ENG: variants seen among roughly 807,000 people sequenced by gnomAD.
ENG encodes the protein CD105 antigen.
ENG carries 17 observed loss-of-function variants against 71.0 expected under a neutral mutation model. That is an observed-to-expected ratio of 0.24 (90% CI 0.16 to 0.36). ENG has a LOEUF of 0.36. ENG is among the 10% of genes least tolerant of loss of function. ENG has a pLI of 1.00. For missense variants in ENG, 749 were observed against 868.3 expected, an observed-to-expected ratio of 0.86 and a Z score of 1.73; for synonymous variants, 360 against 366.9, an observed-to-expected ratio of 0.98 and a Z score of 0.21.
intron 1 of ENG, among the ~76,000 whole-genome samples, chr9:127,849,524 G>A (rs552820698): frequency 3.9e-5 from 6 of 152,244 alleles, no homozygotes; most frequent in East Asian, 1.9e-4. Context: ...GGGGAAGAGC[G>A]GGGGTGGATA....
Position 127,825,133 on chromosome 9 carries a change from C to T in ENG, c.816+98G>A, listed in dbSNP as rs1830575407. On this transcript the variant is annotated intron_variant, in intron 6 of 14. Coordinates refer to ENST00000373203, the MANE Select transcript of ENG (RefSeq NM_001114753.3). ...TCACGTATGGGCATAGGTGATTTGTCCTTCAGCTCAGCTCGGGGGTTCACC... is the reference window on the plus strand; with the variant it reads ...TCACGTATGGGCATAGGTGATTTGTTCTTCAGCTCAGCTCGGGGGTTCACC... 2.5e-6 allele frequency: 4 copies of T among 1,608,732 alleles called. No homozygotes were observed. In the South Asian group the frequency reaches 3.3e-5, roughly 13 times the overall value.
intron 2 of ENG, among the ~76,000 whole-genome samples, chr9:127,841,812 C>T (rs1831037792): frequency 6.6e-6 from 1 of 152,192 alleles, no homozygotes; most frequent in Non-Finnish European, 1.5e-5. Flanking sequence ...ACGTGGGGAA[C>T]CAAGTGGCAG....
chr9:127,825,123 G>A, intron 6 of ENG, 108 bp downstream of exon 6: 2 of 1,601,702 alleles, frequency 1.2e-6, no homozygotes, highest in Non-Finnish European at 1.7e-6. Flanking sequence ...TATGGGCATA[G>A]GTGATTTGTC....
intron 8 of ENG, among the ~76,000 whole-genome samples, chr9:127,820,796 T>C (rs1045229680): frequency 2.6e-5 from 4 of 151,074 alleles, no homozygotes; most frequent in African/African-American, 9.7e-5. Context: ...ACCATTGCAC[T>C]CCAGCCTGGG....
intron 1 of ENG, chr9:127,847,302 T>A (rs1831191066): frequency 6.6e-6 from 1 of 152,256 alleles, no homozygotes; most frequent in African/African-American, 2.4e-5. Context: ...ACCCAGACAG[T>A]CTGGCTCCAG....
rs531511225 is a variant in ENG, at chr9:127,852,999, A to T, written c.67+1290T>A. Among the ~76,000 whole-genome samples, 8 of 152,144 alleles carry T rather than the reference A, an allele frequency of 5.3e-5. No homozygotes were observed. In the East Asian group the frequency reaches 1.5e-3, roughly 29 times the overall value. On this transcript the variant is annotated intron_variant, in intron 1 of 14. Coordinates refer to ENST00000373203, the MANE Select transcript of ENG (RefSeq NM_001114753.3). Reference sequence around the variant, plus strand: ...TAGGGGCTCCGTCTTAGCCATGTGAACTTGGCAGGTTAGAGCCTCCCTTTT... The same window carrying T: ...TAGGGGCTCCGTCTTAGCCATGTGATCTTGGCAGGTTAGAGCCTCCCTTTT...
At chr9:127,826,372 T>C in intron 4 of ENG, 138 bp downstream of exon 4, 1 of 1,116,442 alleles carries the variant, frequency 9.0e-7, no homozygotes, top group East Asian at 2.6e-5. Context: ...AAGGCAGCAC[T>C]GGCTTGTGGC....
intron 12 of ENG, 79 bp from the exon 13 acceptor site, chr9:127,817,282 G>T: frequency 6.9e-7 from 1 of 1,448,306 alleles, no homozygotes; most frequent in Non-Finnish European, 9.7e-7. Flanking sequence ...CGTGACCCCA[G>T]CCCACCCTAG....
At position 127,843,398 on chromosome 9, in the gene ENG, C is replaced by G. The variant is rs41400844; in HGVS notation, c.68-153G>C. Reference sequence around the variant, plus strand: ...TGAGGTGGATATCATTATATTCGTTCCATGGATTAAAAAAAACCAAGGCTA... The same window carrying G: ...TGAGGTGGATATCATTATATTCGTTGCATGGATTAAAAAAAACCAAGGCTA... On this transcript the variant is annotated intron_variant, in intron 1 of 14. Transcript: ENST00000373203. 2.2e-3 allele frequency among the ~76,000 whole-genome samples: 333 copies of G among 151,976 alleles called. 1 individual carries two copies. Among genetic ancestry groups the G allele is most frequent in the Admixed American group, 4.5e-3 (68 of 15,244 alleles).
chr9:127,824,522 T>C, intron 7 of ENG, 76 bp from the exon 8 acceptor site: 1 of 1,466,426 alleles, frequency 6.8e-7, no homozygotes, highest in East Asian at 2.5e-5. Context: ...CTTTTTTTTT[T>C]TTTTTTTTTT....
chr9:127,823,673 C>CTTT lies in ENG; in HGVS notation c.1134+628_1134+630dup, dbSNP rs1017053002. Among the ~76,000 whole-genome samples the CTTT allele has an allele frequency of 2.9e-3, 286 of 99,020 alleles. 20 individuals carry two copies. Among genetic ancestry groups the CTTT allele is most frequent in the African/African-American group, 8.4e-3 (174 of 20,694 alleles). 65.0% of individuals were successfully genotyped at this position (99,020 alleles called of 152,430 possible). On this transcript the variant is annotated intron_variant, in intron 8 of 14. Transcript: ENST00000373203. ...AAAGTGCTGGGATTACAGGCACCGGCTTTTTTTTTTTTTTTTTTTTTTTTC... is the reference window on the plus strand; with the variant it reads ...AAAGTGCTGGGATTACAGGCACCGGCTTTTTTTTTTTTTTTTTTTTTTTTTTTC...
chr9:127,847,054 C>G, intron 1 of ENG: 1 of 573,442 alleles, frequency 1.7e-6, no homozygotes, highest in African/African-American at 2.0e-5. Flanking sequence ...CTCTCTGAGC[C>G]TCAGTTTCCC....
Position 127,849,052 on chromosome 9 carries a change from G to A in ENG, c.67+5237C>T, listed in dbSNP as rs530080609. Among the ~76,000 whole-genome samples, 153 of 152,128 alleles carry A rather than the reference G, an allele frequency of 1.0e-3. 1 individual carries two copies. The South Asian group carries it at 0.011, about 11-fold the overall frequency. ...TGACCTCACAAACCCCTGGTCACCT[G>A]CTTTGACCTAAGTCACCTTTAGTTA... On this transcript the variant is annotated intron_variant, in intron 1 of 14. Transcript: ENST00000373203.
rs375171647 is a variant in ENG, at chr9:127,818,817, G to C, written c.1327C>G (p.Leu443Val). 6.2e-7 allele frequency: 1 copy of C among 1,613,984 alleles called. No homozygotes were observed. Among genetic ancestry groups the C allele is most frequent in the Non-Finnish European group, 8.5e-7 (1 of 1,180,008 alleles). ...TGGAAAGAGAGGCTGTCCATGTTGA[G>C]GCAGTGCACCTTTTTCTGGGGGAGG... ...SSPQRKKVHC[L>V]NMDSLSFQLG... The change falls in exon 11 of 15, where the codon CTC becomes GTC. Residue 443 changes from leucine to valine, a missense_variant. Leu to Val is a conservative substitution (Grantham distance 32). Coordinates refer to ENST00000373203, the MANE Select transcript of ENG (RefSeq NM_001114753.3).
chr9:127,827,255 CA>C (rs1830641269), intron 3 of ENG: 1 of 154,950 alleles, frequency 6.5e-6, no homozygotes, highest in South Asian at 2.0e-4. Context: ...GAATTAAAGA[CA>C]GATATCAGTG....
chr9:127,830,643 G>A (rs1260500271), intron 2 of ENG, among the ~76,000 whole-genome samples: 15 of 149,688 alleles, frequency 1.0e-4, no homozygotes, highest in Non-Finnish European at 1.8e-4. Context: ...ATGACGCTCC[G>A]TCTCAAAAAA....
chr9:127,844,954 C>G (rs1239855922), intron 1 of ENG, among the ~76,000 whole-genome samples: 2 of 152,130 alleles, frequency 1.3e-5, no homozygotes, highest in Non-Finnish European at 2.9e-5. Flanking sequence ...CAGAGCAGAC[C>G]GCAGAGCCCG....
Position 127,818,661 on chromosome 9 carries a change from G to A in ENG, c.1428+55C>T, listed in dbSNP as rs185549924. On this transcript the variant is annotated intron_variant, in intron 11 of 14. Coordinates refer to ENST00000373203, the MANE Select transcript of ENG (RefSeq NM_001114753.3). ...CTGGAGTCATGGTGGGAAGAAAGGC[G>A]GAGAGGAAGTTCCAGGAGCTGGGAG... 106 of 1,570,640 alleles carry A rather than the reference G, an allele frequency of 6.7e-5. No individual in the cohort carries two copies. In the East Asian group the frequency reaches 1.5e-3, roughly 22 times the overall value.
intron 8 of ENG, among the ~76,000 whole-genome samples, chr9:127,822,836 G>A (rs1830498866): frequency 6.6e-6 from 1 of 152,092 alleles, no homozygotes; most frequent in Admixed American, 6.6e-5. Flanking sequence ...ATTTTTTAAA[G>A]CATGTTTTTT....
Sources: allele counts gnomAD v4.1 joint callset (sites outside exome capture counted in the v4.1 genomes callset), GRCh38; gene constraint gnomAD v4.1.1; transcripts MANE v1.5; gene names NCBI Gene and HGNC (gene_info 2026-07-23, HGNC 2026-07-21).